Variants in KHDRBS2 observed in about 807,000 individuals in gnomAD.
KHDRBS2 encodes the protein KH RNA binding domain containing, signal transduction associated 2.
In KHDRBS2, 26 loss-of-function variants were observed where a neutral mutation model predicts 44.3. The observed-to-expected ratio is 0.59, with a 90% CI of 0.43 to 0.81. KHDRBS2 has a LOEUF of 0.81. Ranked by LOEUF, KHDRBS2 falls within the 40% of genes least tolerant of loss-of-function variation. The pLI is 0.00. For synonymous variants in KHDRBS2, 194 were observed against 151.1 expected (o/e 1.28, Z -2.08); for missense variants, 476 against 433.1 (o/e 1.10, Z -0.88).
chr6:61,678,927 G>C (rs1269459506), downstream of KHDRBS2: 1 of 151,840 alleles, frequency 6.6e-6, no homozygotes, highest in Non-Finnish European at 1.5e-5. Context: ...ATTCAATTAT[G>C]TGTTCTTTGT....
chr6:61,979,345 C>A (rs1773375337), intron 3 of KHDRBS2, among the ~76,000 whole-genome samples: 1 of 152,024 alleles, frequency 6.6e-6, no homozygotes, highest in Non-Finnish European at 1.5e-5. Flanking sequence ...AGCTACTTCA[C>A]TAAATTTCAA....
chr6:62,034,796 AT>A (rs1784984758), intron 3 of KHDRBS2, among the ~76,000 whole-genome samples: 1 of 151,864 alleles, frequency 6.6e-6, no homozygotes, highest in Admixed American at 6.6e-5. Context: ...AGGAAAAAAA[AT>A]CTAATAATCT....
chr6:61,665,858 T>G, the KHDRBS2 span, among the ~76,000 whole-genome samples: 16 of 150,946 alleles, frequency 1.1e-4, no homozygotes, highest in Non-Finnish European at 1.9e-4. Context: ...TAATAGATGG[T>G]GCTTAGTTCT....
chr6:62,028,165 T>TG (rs1783715063), intron 3 of KHDRBS2, among the ~76,000 whole-genome samples: 1 of 152,092 alleles, frequency 6.6e-6, no homozygotes, highest in Non-Finnish European at 1.5e-5. Context: ...CAGCTGGTAC[T>TG]GGGAAAAAAC....
the KHDRBS2 span, among the ~76,000 whole-genome samples, chr6:61,570,597 T>C: frequency 1.3e-5 from 2 of 151,924 alleles, no homozygotes; most frequent in South Asian, 4.2e-4. Context: ...CGGAAAAAAA[T>C]CATCACCCAG....
At chr6:61,960,407 A>G (rs1323290634) in intron 4 of KHDRBS2, among the ~76,000 whole-genome samples, 1 of 152,168 alleles carries the variant, frequency 6.6e-6, no homozygotes, top group African/African-American at 2.4e-5. Flanking sequence ...TTTTAAAGCA[A>G]CATAGGAAAA....
chr6:62,034,041 T>C (rs369095298), intron 3 of KHDRBS2, among the ~76,000 whole-genome samples: 60 of 151,980 alleles, frequency 3.9e-4, no homozygotes, highest in African/African-American at 1.4e-3. Context: ...AGAGCAACTA[T>C]ATGCCAATAT....
chr6:62,147,810 C>T lies in KHDRBS2; in HGVS notation c.219+29375G>A, dbSNP rs540894668. Among the ~76,000 whole-genome samples the T allele has an allele frequency of 5.9e-5, 9 of 152,054 alleles. No homozygotes were observed. The South Asian group carries it at 1.9e-3, about 31-fold the overall frequency. On this transcript the variant is annotated intron_variant, in intron 2 of 8. Transcript: ENST00000281156. ...CTCTTTACACGAAAGTTTCTTTGCT[C>T]TTCTCTATACCTGGCACGGTTGCCT...
the KHDRBS2 span, among the ~76,000 whole-genome samples, chr6:61,553,771 T>C: frequency 1.3e-5 from 2 of 152,164 alleles, no homozygotes; most frequent in African/African-American, 4.8e-5. Context: ...AAAGTTATTC[T>C]GGGTCAAGTT....
chr6:62,148,942 C>G (rs1331095691), intron 2 of KHDRBS2, among the ~76,000 whole-genome samples: 1 of 152,040 alleles, frequency 6.6e-6, no homozygotes, highest in Non-Finnish European at 1.5e-5. Flanking sequence ...ATCAAAGACT[C>G]AAAAGAATGC....
At chr6:61,764,843 G>C (rs7349838) in intron 6 of KHDRBS2, among the ~76,000 whole-genome samples, 54,528 of 151,782 alleles carry the variant, frequency 0.36, 10,484 homozygotes, top group East Asian at 0.48. Context: ...TGTTCACTCT[G>C]ATGATAGTTT....
the KHDRBS2 span, among the ~76,000 whole-genome samples, chr6:61,572,815 A>G: frequency 6.6e-6 from 1 of 152,186 alleles, no homozygotes; most frequent in South Asian, 2.1e-4. Flanking sequence ...GAAGGGACAT[A>G]CCTCAAGGTA....
chr6:61,578,608 T>C, the KHDRBS2 span, among the ~76,000 whole-genome samples: 1 of 152,168 alleles, frequency 6.6e-6, no homozygotes, highest in Non-Finnish European at 1.5e-5. Flanking sequence ...AAAACCAAAT[T>C]GGATTCATCA....
At chr6:61,936,208 A>G (rs1435662141) in intron 4 of KHDRBS2, among the ~76,000 whole-genome samples, 3 of 151,996 alleles carry the variant, frequency 2.0e-5, no homozygotes, top group Non-Finnish European at 4.4e-5. Flanking sequence ...CTCCAGTTCT[A>G]TTTTGTACCT....
At chr6:61,898,355 G>A (rs537447341) in intron 5 of KHDRBS2, among the ~76,000 whole-genome samples, 6 of 151,698 alleles carry the variant, frequency 4.0e-5, no homozygotes, top group South Asian at 4.2e-4. Context: ...CTAAATATCC[G>A]ATACAGTTGT....
At position 61,905,049 on chromosome 6, in the gene KHDRBS2, G is replaced by A. The variant is rs1245704884; in HGVS notation, c.484-3678C>T. On this transcript the variant is annotated intron_variant, in intron 4 of 8. Transcript: ENST00000281156. ...CTTGTTACTCTTTTACTTTAAAGTG[G>A]TTAGAGAATGGTTAAACATGAAACT... 1.1e-4 allele frequency among the ~76,000 whole-genome samples: 17 copies of A among 152,240 alleles called. No individual in the cohort carries two copies. In the East Asian group the frequency reaches 3.1e-3, roughly 28 times the overall value.
chr6:61,739,141 T>G, intron 6 of KHDRBS2, among the ~76,000 whole-genome samples: 1 of 152,040 alleles, frequency 6.6e-6, no homozygotes, highest in Middle Eastern at 3.4e-3. Flanking sequence ...ATAACTTCAG[T>G]GTGACTTGCA....
intron 3 of KHDRBS2, among the ~76,000 whole-genome samples, chr6:62,027,037 CTT>C (rs1306573390): frequency 6.7e-6 from 1 of 149,304 alleles, no homozygotes; most frequent in African/African-American, 2.5e-5. Context: ...TTCGAGAACT[CTT>C]ATTGTACATG....
the KHDRBS2 span, among the ~76,000 whole-genome samples, chr6:61,597,777 C>CACA: frequency 5.2e-5 from 2 of 38,356 alleles, no homozygotes; most frequent in Non-Finnish European, 1.2e-4. Flanking sequence ...TATATATACA[C>CACA]CAAGATTATT....
Sources: allele counts gnomAD v4.1 joint callset (sites outside exome capture counted in the v4.1 genomes callset), GRCh38; gene constraint gnomAD v4.1.1; transcripts MANE v1.5; gene names NCBI Gene and HGNC (gene_info 2026-07-23, HGNC 2026-07-21).